ZNF346: variants seen among roughly 807,000 people sequenced by gnomAD.
ZNF346 encodes double-stranded RNA-binding zinc finger protein JAZ.
In ZNF346, 23 loss-of-function variants were observed where a neutral mutation model predicts 33.7. The observed-to-expected ratio is 0.68, with a 90% CI of 0.49 to 0.97. The LOEUF (loss-of-function observed/expected upper bound fraction) is 0.97, where lower values mean the gene tolerates loss of function less well. Among genes scored for constraint, ZNF346 ranks in the 50% least tolerant of loss-of-function variants. The probability of loss-of-function intolerance (pLI) is 0.00; values close to 1 mark genes in which losing one functional copy is unlikely to be tolerated. For missense variants in ZNF346, 340 were observed against 371.1 expected, an observed-to-expected ratio of 0.92 and a Z score of 0.69; for synonymous variants, 134 against 142.4, an observed-to-expected ratio of 0.94 and a Z score of 0.42.
chr5:177,056,406 C>A, intron 5 of ZNF346, among the ~76,000 whole-genome samples: 1 of 152,146 alleles, frequency 6.6e-6, no homozygotes. Context: ...TTTGACCCAG[C>A]CATCCCATTA....
At chr5:177,024,086 G>GTA (rs1193121801) in intron 1 of ZNF346, among the ~76,000 whole-genome samples, 1 of 138,876 alleles carries the variant, frequency 7.2e-6, no homozygotes, top group East Asian at 2.2e-4. Flanking sequence ...ACACATAAAT[G>GTA]TATATATATA....
At chr5:177,047,340 G>GTT (rs113091804) in intron 4 of ZNF346, among the ~76,000 whole-genome samples, 43 of 137,356 alleles carry the variant, frequency 3.1e-4, no homozygotes, top group African/African-American at 8.0e-4. Context: ...TTTGTTTTTT[G>GTT]TTTTTTTTTT....
At position 177,064,682 on chromosome 5, in the gene ZNF346, C is replaced by A; in HGVS notation, c.*83C>A. 1.8e-6 allele frequency: 2 copies of A among 1,138,340 alleles called. No homozygotes were observed. Among genetic ancestry groups the A allele is most frequent in the South Asian group, 1.2e-5 (1 of 80,072 alleles). 70.5% of individuals were successfully genotyped at this position (1,138,340 alleles called of 1,614,324 possible). A position where few individuals can be genotyped will look rare whatever the true frequency, so the allele number is the denominator to read the frequency against. ...GCTCAGCCCTTGGCTCCCTCTTGCTCGTTGTTCTCACCAGGAAAGTACACG... is the reference window on the plus strand; with the variant it reads ...GCTCAGCCCTTGGCTCCCTCTTGCTAGTTGTTCTCACCAGGAAAGTACACG... On this transcript the variant is annotated 3_prime_UTR_variant, in exon 7 of 7. Transcript: ENST00000358149.
At position 177,067,545 on chromosome 5, in the gene ZNF346, G is replaced by A. The variant is rs1783281873; in HGVS notation, c.*2946G>A. ...CAAGGAAATGAAGGGCAGGGGGTGA[G>A]TGGGCTATCATACCGTGAGCCTCCG... is the stretch of plus-strand genomic sequence containing the variant. On this transcript the variant is annotated 3_prime_UTR_variant, in exon 7 of 7. Coordinates refer to ENST00000358149, the MANE Select transcript of ZNF346 (RefSeq NM_012279.4). Among the ~76,000 whole-genome samples, 1 of 152,176 alleles carries A rather than the reference G, an allele frequency of 6.6e-6. No individual in the cohort carries two copies. Among genetic ancestry groups the A allele is most frequent in the South Asian group, 2.1e-4 (1 of 4,826 alleles).
At chr5:177,029,248 A>G (rs1777329809) in intron 1 of ZNF346, among the ~76,000 whole-genome samples, 1 of 152,182 alleles carries the variant, frequency 6.6e-6, no homozygotes, top group Non-Finnish European at 1.5e-5. Flanking sequence ...TGAAGCCTTC[A>G]TAACAACCCA....
At chr5:177,060,723 G>A (rs533307194) in intron 5 of ZNF346, among the ~76,000 whole-genome samples, 17 of 151,928 alleles carry the variant, frequency 1.1e-4, no homozygotes, top group African/African-American at 4.1e-4. Flanking sequence ...CAGGAGAATC[G>A]CTTGAACCTG....
At chr5:177,047,969 A>C (rs1780320015) in intron 4 of ZNF346, among the ~76,000 whole-genome samples, 1 of 152,150 alleles carries the variant, frequency 6.6e-6, no homozygotes, top group Admixed American at 6.6e-5. Flanking sequence ...TTTTTTATTT[A>C]ATATGACATT....
chr5:177,058,804 C>T (rs2055616), intron 5 of ZNF346, among the ~76,000 whole-genome samples: 19,634 of 152,184 alleles, frequency 0.13, 2,970 homozygotes, highest in African/African-American at 0.37. Context: ...GGCACTGAGC[C>T]CCACTCTGTC....
chr5:177,038,027 A>C (rs1470211313), intron 1 of ZNF346, among the ~76,000 whole-genome samples: 1 of 151,822 alleles, frequency 6.6e-6, no homozygotes, highest in Non-Finnish European at 1.5e-5. Flanking sequence ...ATACTGTTTC[A>C]GGTTGGAACA....
At chr5:177,035,886 G>A (rs971049929) in intron 1 of ZNF346, among the ~76,000 whole-genome samples, 2 of 151,766 alleles carry the variant, frequency 1.3e-5, no homozygotes, top group African/African-American at 2.4e-5. Flanking sequence ...TGATCCGCCC[G>A]CCTCTGCCTC....
chr5:177,051,524 C>A (rs1219904085), intron 5 of ZNF346, among the ~76,000 whole-genome samples: 1 of 149,962 alleles, frequency 6.7e-6, no homozygotes, highest in African/African-American at 2.5e-5. Flanking sequence ...ATATAGAAAT[C>A]CCTCTGTTTT....
intron 4 of ZNF346, among the ~76,000 whole-genome samples, chr5:177,045,092 T>C (rs191090784): frequency 1.5e-4 from 23 of 152,338 alleles, no homozygotes; most frequent in Non-Finnish European, 2.9e-5. Flanking sequence ...ACTTCTGAAA[T>C]AGCCCCCTTT....
chr5:177,073,570 C>G (rs1783602123), intron 8 of ZNF346, among the ~76,000 whole-genome samples: 1 of 152,182 alleles, frequency 6.6e-6, no homozygotes, highest in South Asian at 2.1e-4. Context: ...TACCAGAGTG[C>G]TGGGATTGCA....
In ZNF346 at chr5:177,050,929, CT is replaced by C. The variant is rs775997966; in HGVS notation, c.699del (p.Pro234GlnfsTer13). The C allele has an allele frequency of 6.2e-7, 1 of 1,613,950 alleles. No homozygotes were observed. The highest frequency in any genetic ancestry group is 1.7e-5 in the Admixed American group (1 of 60,012). Reference sequence around the variant, plus strand: ...GGCTGGCGGACCCTGCTGTCACTGACTTTCCAGGTGAGGGGGCCTAGCTCAC... The same window carrying C: ...GGCTGGCGGACCCTGCTGTCACTGACTTCCAGGTGAGGGGGCCTAGCTCAC... Reference protein sequence around the residue: ...GRLADPAVTDFPAGKGYPCKT... With the variant: ...GRLADPAVTDXPAGKGYPCKT... On this transcript the variant is annotated frameshift_variant, in exon 5 of 7. Transcript: ENST00000358149. LOFTEE classifies it high-confidence loss of function.
At chr5:177,062,594 C>T (rs923573775) in intron 6 of ZNF346, among the ~76,000 whole-genome samples, 4 of 145,610 alleles carry the variant, frequency 2.7e-5, no homozygotes, top group Admixed American at 1.3e-4. Flanking sequence ...GACCCAGTCT[C>T]TGCTCTCCTG....
chr5:177,025,363 C>T (rs1215661975), intron 1 of ZNF346, among the ~76,000 whole-genome samples: 2 of 150,610 alleles, frequency 1.3e-5, no homozygotes, highest in East Asian at 1.9e-4. Flanking sequence ...AGTGCTGCTG[C>T]GAACATTCAT....
At chr5:177,050,669 T>C (rs1562007420) in intron 4 of ZNF346, 82 bp from the exon 5 acceptor site, 1 of 1,537,400 alleles carries the variant, frequency 6.5e-7, no homozygotes. Flanking sequence ...TTCTGGGTTT[T>C]TTCATTGTTT....
At position 177,065,888 on chromosome 5, in the gene ZNF346, G is replaced by GTGTA. The variant is rs1268104368; in HGVS notation, c.*1290_*1291insGTAT. ...TGTGTGTGTGTGTGTGTGTTTGTGT[G>GTGTA]TATGTGTGTGCTTCTGTGTGTGCCT... On this transcript the variant is annotated 3_prime_UTR_variant, in exon 7 of 7. Transcript: ENST00000358149. 6.7e-6 allele frequency: 1 copy of GTGTA among 149,574 alleles called. No homozygotes were observed. The highest frequency in any genetic ancestry group is 1.5e-5 in the Non-Finnish European group (1 of 67,728). The allele number at this position is 149,574 out of a possible 1,614,324, so 9.3% of individuals were successfully genotyped here. A position where few individuals can be genotyped will look rare whatever the true frequency, so the allele number is the denominator to read the frequency against.
At chr5:177,038,291 T>TG (rs1159780878) in intron 1 of ZNF346, among the ~76,000 whole-genome samples, 1 of 150,888 alleles carries the variant, frequency 6.6e-6, no homozygotes, top group Non-Finnish European at 1.5e-5. Flanking sequence ...TTTTTAATTT[T>TG]TGTAGAGATG....
Sources: allele counts gnomAD v4.1 joint callset (sites outside exome capture counted in the v4.1 genomes callset), GRCh38; gene constraint gnomAD v4.1.1; transcripts MANE v1.5; gene names NCBI Gene and HGNC (gene_info 2026-07-23, HGNC 2026-07-21).